Variants in UXS1 observed in about 807,000 individuals in gnomAD.
UXS1 encodes the protein UDP-glucuronate decarboxylase 1.
In UXS1, 33 loss-of-function variants were observed where a neutral mutation model predicts 62.6. That is an observed-to-expected ratio of 0.53 (90% CI 0.40 to 0.70). UXS1 has a LOEUF of 0.70. UXS1 is among the 30% of genes least tolerant of loss of function. UXS1 has a pLI of 0.00. For synonymous variants in UXS1, 213 were observed against 206.8 expected (o/e 1.03, Z -0.26); for missense variants, 434 against 556.3 (o/e 0.78, Z 2.21).
intron 10 of UXS1, among the ~76,000 whole-genome samples, chr2:106,111,654 G>A (rs1232647540): frequency 1.3e-5 from 2 of 152,098 alleles, no homozygotes; most frequent in Non-Finnish European, 2.9e-5. Context: ...AAAAAGGAGG[G>A]GAATAATGTC....
chr2:106,184,722 T>C (rs1684455526), intron 1 of UXS1, among the ~76,000 whole-genome samples: 3 of 152,188 alleles, frequency 2.0e-5, no homozygotes, highest in South Asian at 4.1e-4. Context: ...CACCTCTTAA[T>C]GCCATCACTT....
chr2:106,126,392 C>T (rs1679953185), intron 7 of UXS1, among the ~76,000 whole-genome samples: 1 of 42,408 alleles, frequency 2.4e-5, no homozygotes, highest in Admixed American at 1.7e-4. Flanking sequence ...AGACAGGCGA[C>T]ATACCCCACC....
At chr2:106,149,621 G>A (rs139363704) in intron 5 of UXS1, among the ~76,000 whole-genome samples, 1 of 152,202 alleles carries the variant, frequency 6.6e-6, no homozygotes, top group African/African-American at 2.4e-5. Context: ...CCAGAACCAT[G>A]AGCCAATAAA....
At chr2:106,158,235 C>T (rs1199565929) in intron 4 of UXS1, 117 bp from the exon 5 acceptor site, 1 of 878,284 alleles carries the variant, frequency 1.1e-6, no homozygotes, top group African/African-American at 1.7e-5. Flanking sequence ...GCTCTTCTCT[C>T]CACTCTTGAA....
In UXS1 at chr2:106,116,095, G is replaced by A. The variant is rs565113031; in HGVS notation, c.760-3330C>T. 1.0e-3 allele frequency among the ~76,000 whole-genome samples: 158 copies of A among 152,320 alleles called. 1 individual carries two copies. The highest frequency in any genetic ancestry group is 3.7e-3 in the African/African-American group (155 of 41,580). ...GGGTATGCAGGTCCTGAGACGTGGA[G>A]CCAACTAACAGCAGGCCTGACAGGC... On this transcript the variant is annotated intron_variant, in intron 9 of 14. Coordinates refer to ENST00000283148, the MANE Select transcript of UXS1 (RefSeq NM_001253875.2).
chr2:106,139,979 T>A (rs1329629134), intron 6 of UXS1, among the ~76,000 whole-genome samples: 1 of 152,202 alleles, frequency 6.6e-6, no homozygotes, highest in Admixed American at 6.5e-5. Flanking sequence ...CTCTGCAATG[T>A]GAAGTCTCAC....
At chr2:106,129,625 C>T (rs1427594093) in intron 7 of UXS1, 49 bp downstream of exon 7, 1 of 1,424,542 alleles carries the variant, frequency 7.0e-7, no homozygotes, top group Non-Finnish European at 9.8e-7. Flanking sequence ...TTGTAATCAT[C>T]TAAAATATTC....
At position 106,148,576 on chromosome 2, in the gene UXS1, T is replaced by C. The variant is rs1482734018; in HGVS notation, c.292-3206A>G. 2.6e-5 allele frequency among the ~76,000 whole-genome samples: 4 copies of C among 152,248 alleles called. No individual in the cohort carries two copies. The East Asian group carries it at 5.8e-4, about 22-fold the overall frequency. ...TAGTCTTAGTACTGACGTAAAATTG[T>C]TGGAAGCACCTTAGCTTGACTAAAA... On this transcript the variant is annotated intron_variant, in intron 5 of 14. Coordinates refer to ENST00000283148, the MANE Select transcript of UXS1 (RefSeq NM_001253875.2).
rs370584220 is a variant in UXS1 at position 106,094,017 on chromosome 2, G to C, written c.*9C>G. The C allele has an allele frequency of 9.0e-5, 144 of 1,604,744 alleles. No individual in the cohort carries two copies. The highest frequency in any genetic ancestry group is 7.2e-4 in the Admixed American group (41 of 56,936). On this transcript the variant is annotated 3_prime_UTR_variant, in exon 15 of 15. Transcript: ENST00000283148. ...ACAATGGTAGTCTTGTGTCCTAAAA[G>C]TGAGGAGTTCAGCTGTGGCGAGTCC...
intron 1 of UXS1, among the ~76,000 whole-genome samples, chr2:106,173,671 G>A (rs1036336784): frequency 3.3e-5 from 5 of 152,258 alleles, no homozygotes; most frequent in East Asian, 1.9e-4. Flanking sequence ...AGTGAACACA[G>A]CTGAAGATAA....
intron 6 of UXS1, among the ~76,000 whole-genome samples, chr2:106,137,834 T>A (rs931888443): frequency 1.3e-5 from 2 of 151,812 alleles, no homozygotes; most frequent in African/African-American, 2.4e-5. Flanking sequence ...AATTAAAATT[T>A]TAAAAAATGA....
At chr2:106,098,900 G>C (rs1233874789) in intron 12 of UXS1, 127 bp from the exon 13 acceptor site, 16 of 770,820 alleles carry the variant, frequency 2.1e-5, no homozygotes, top group Non-Finnish European at 2.8e-5. Flanking sequence ...CTTCAGCAGA[G>C]CTCCGTGTGC....
At chr2:106,148,515 G>A (rs377605860) in intron 5 of UXS1, among the ~76,000 whole-genome samples, 27 of 152,236 alleles carry the variant, frequency 1.8e-4, no homozygotes, top group South Asian at 1.0e-3. Context: ...GAGATGCAGC[G>A]TATTAAATTA....
At chr2:106,157,879 T>C (rs1232312716) in intron 5 of UXS1, among the ~76,000 whole-genome samples, 179 bp downstream of exon 5, 1 of 152,194 alleles carries the variant, frequency 6.6e-6, no homozygotes, top group Non-Finnish European at 1.5e-5. Flanking sequence ...AGTACAGGAC[T>C]CTTTTTTGGG....
chr2:106,122,066 C>T (rs771778460), intron 9 of UXS1, among the ~76,000 whole-genome samples: 9 of 152,160 alleles, frequency 5.9e-5, no homozygotes, highest in Non-Finnish European at 1.2e-4. Flanking sequence ...AGCACATAGC[C>T]GACAGTTCCC....
At position 106,156,548 on chromosome 2, in the gene UXS1, A is replaced by G. The variant is rs1199717814; in HGVS notation, c.291+1510T>C. 2.0e-5 allele frequency among the ~76,000 whole-genome samples: 3 copies of G among 152,196 alleles called. No individual in the cohort carries two copies. In the East Asian group the frequency reaches 5.8e-4, roughly 29 times the overall value. ...GTACAGTCATCCCTCAGTATCCACA[A>G]GGAATTGGTTCCAGGACCGCACCCC... On this transcript the variant is annotated intron_variant, in intron 5 of 14. Coordinates refer to ENST00000283148, the MANE Select transcript of UXS1 (RefSeq NM_001253875.2).
chr2:106,166,525 C>T (rs1003016268), intron 1 of UXS1: 7 of 158,516 alleles, frequency 4.4e-5, no homozygotes, highest in Non-Finnish European at 8.3e-5. Context: ...TTTAAAGAAC[C>T]GGCCCTGGGC....
intron 5 of UXS1, among the ~76,000 whole-genome samples, chr2:106,148,155 G>A (rs954965714): frequency 2.6e-5 from 4 of 152,200 alleles, no homozygotes; most frequent in Non-Finnish European, 5.9e-5. Flanking sequence ...TCTACTGCCT[G>A]TCAATTTGTC....
intron 1 of UXS1, among the ~76,000 whole-genome samples, chr2:106,174,629 G>T (rs373708933): frequency 6.6e-6 from 1 of 152,234 alleles, no homozygotes; most frequent in African/African-American, 2.4e-5. Flanking sequence ...TGTGTGGGGC[G>T]CACGTAGTGA....
Sources: gnomAD v4.1 joint callset for allele counts (sites outside exome capture counted in the v4.1 genomes callset) on GRCh38, gnomAD v4.1.1 for gene constraint, MANE v1.5 for transcripts, NCBI Gene and HGNC (gene_info 2026-07-23, HGNC 2026-07-21) for gene names.